Variants in ADGRD2 observed in about 807,000 individuals in gnomAD.
The protein encoded by ADGRD2 is adhesion G protein-coupled receptor D2, also known as G protein-coupled receptor PGR24.
Under a neutral mutation model 44.4 loss-of-function variants are expected in ADGRD2, and 71 were observed. The ratio of observed to expected loss-of-function variants is 1.60; its 90% CI spans 1.32 to 1.95. ADGRD2 has a LOEUF of 1.95. ADGRD2 is among the 30% of genes most tolerant of loss of function. ADGRD2 has a pLI of 0.00. For missense variants in ADGRD2, 1,039 were observed against 512.4 expected (o/e 2.03, Z -9.92); for synonymous variants, 481 against 224.8 (o/e 2.14, Z -10.19).
chr9:124,462,935 T>C (rs10986352), intron 10 of ADGRD2, among the ~76,000 whole-genome samples: 80,184 of 148,920 alleles, frequency 0.54, 21,624 homozygotes, highest in South Asian at 0.63. Flanking sequence ...CTCTCTCTCT[T>C]TCTCTCTCTC....
intron 10 of ADGRD2, among the ~76,000 whole-genome samples, chr9:124,463,818 T>G (rs1304274942): frequency 1.3e-5 from 2 of 152,090 alleles, no homozygotes; most frequent in African/African-American, 4.8e-5. Context: ...ACTTTACAAT[T>G]TTGCTTATAT....
At chr9:124,478,166 A>T (rs1832084200) in intron 21 of ADGRD2, 115 bp from the exon 25 acceptor site, 1 of 152,386 alleles carries the variant, frequency 6.6e-6, no homozygotes, top group African/African-American at 2.4e-5. Context: ...GCTGAGACTC[A>T]CAGCGAGGAC....
At position 124,454,913 on chromosome 9, in the gene ADGRD2, T is replaced by C. The variant is rs768733229; in HGVS notation, c.1181T>C (p.Leu394Pro). 1.3e-5 allele frequency: 9 copies of C among 715,914 alleles called. No individual in the cohort carries two copies. The highest frequency in any genetic ancestry group is 1.2e-4 in the South Asian group (8 of 67,600). The allele number at this position is 715,914 out of a possible 1,614,324, so 44.3% of individuals were successfully genotyped here. Reference sequence around the variant, plus strand: ...GCGGAGGCCTCCAGCTTCCTGGGCCTTCTGGAGCATGTCCTGGCGATGGAG... The same window carrying C: ...GCGGAGGCCTCCAGCTTCCTGGGCCCTCTGGAGCATGTCCTGGCGATGGAG... Residue 394 changes from leucine (L) to proline (P), a missense_variant, in exon 6 of 22, where the codon CTT becomes CCT. Coordinates refer to ENST00000334810, the Ensembl canonical transcript of ADGRD2. This position sits in a 1 kb window ranked among gnomAD's most constrained non-coding sequence, Gnocchi z 4.5.
intron 17 of ADGRD2, among the ~76,000 whole-genome samples, chr9:124,471,191 A>G (rs1831939970): frequency 6.6e-6 from 1 of 152,012 alleles, no homozygotes; most frequent in Non-Finnish European, 1.5e-5. Flanking sequence ...AACTGAAGTG[A>G]CAGCCAGGGG....
In ADGRD2 at chr9:124,458,042, A is replaced by T. The variant is rs1014997598; in HGVS notation, c.1641-71A>T. The T allele has an allele frequency of 2.4e-5, 17 of 708,814 alleles. No homozygotes were observed. In the African/African-American group the frequency reaches 2.5e-4, roughly 10 times the overall value. 43.9% of individuals were successfully genotyped at this position (708,814 alleles called of 1,614,324 possible). On this transcript the variant is annotated intron_variant, in intron 8 of 21. Transcript: ENST00000334810. ...CTATCTCTAGAGTGGGGAGAGCATC[A>T]CCCTCGGGGCCAACTGGTGGTGCTT...
chr9:124,475,157 C>T (rs1832020360), intron 17 of ADGRD2, among the ~76,000 whole-genome samples: 1 of 152,260 alleles, frequency 6.6e-6, no homozygotes, highest in African/African-American at 2.4e-5. Flanking sequence ...GGGACAGGCC[C>T]AGCGTGGGGC....
intron 6 of ADGRD2, among the ~76,000 whole-genome samples, chr9:124,455,458 C>T (rs1354474807): frequency 5.2e-4 from 79 of 152,080 alleles, no homozygotes; most frequent in Non-Finnish European, 2.6e-4. Flanking sequence ...GGCCTGGTAG[C>T]GGGCACCTGT....
chr9:124,464,031 G>A (rs1000846786), intron 10 of ADGRD2, among the ~76,000 whole-genome samples: 14 of 151,924 alleles, frequency 9.2e-5, no homozygotes, highest in African/African-American at 3.4e-4. Flanking sequence ...TCAGAGATAG[G>A]ATCTCACTTT....
chr9:124,455,233 C>A (rs1377948645), intron 6 of ADGRD2, 106 bp downstream of exon 9: 2 of 590,510 alleles, frequency 3.4e-6, no homozygotes, highest in South Asian at 4.2e-5. Context: ...CTATGGGCTC[C>A]ATCTCTGCGT....
chr9:124,453,141 C>T, exon 3 of ADGRD2: 1 of 701,766 alleles, frequency 1.4e-6, no homozygotes, highest in Non-Finnish European at 2.6e-6. Context: ...CGTGTACTCA[C>T]GTGCAGTGGG....
At chr9:124,468,012 C>T (rs917298761) in intron 12 of ADGRD2, 76 bp from the exon 16 acceptor site, 7 of 715,294 alleles carry the variant, frequency 9.8e-6, no homozygotes, top group East Asian at 2.7e-5. Flanking sequence ...CACAGGGGAT[C>T]GGGCAGGACA....
At chr9:124,463,529 G>A (rs938743018) in intron 10 of ADGRD2, among the ~76,000 whole-genome samples, 2 of 152,228 alleles carry the variant, frequency 1.3e-5, no homozygotes, top group African/African-American at 2.4e-5. Context: ...GTCCTCCTCT[G>A]TGAATGTTTG....
At chr9:124,468,449 A>G in intron 13 of ADGRD2, 70 bp from the exon 17 acceptor site, 1 of 714,454 alleles carries the variant, frequency 1.4e-6, no homozygotes, top group Non-Finnish European at 2.6e-6. Flanking sequence ...CGGGCTGGGC[A>G]TGGGCCGCGG....
At chr9:124,472,102 T>C (rs1046769073) in intron 17 of ADGRD2, among the ~76,000 whole-genome samples, 1 of 152,140 alleles carries the variant, frequency 6.6e-6, no homozygotes, top group Non-Finnish European at 1.5e-5. Context: ...TCCTCACCTG[T>C]GCCCCTCGGG....
rs1831567382 is a variant in ADGRD2, at chr9:124,454,143, T to C, written c.1022+46T>C. 1 of 641,276 alleles carries C rather than the reference T, an allele frequency of 1.6e-6. No individual in the cohort carries two copies. The highest frequency in any genetic ancestry group is 1.8e-5 in the African/African-American group (1 of 54,660). The allele number at this position is 641,276 out of a possible 1,614,324, so 39.7% of individuals were successfully genotyped here. A position where few individuals can be genotyped will look rare whatever the true frequency, so the allele number is the denominator to read the frequency against. On this transcript the variant is annotated intron_variant, in intron 4 of 21. Coordinates refer to ENST00000334810, the Ensembl canonical transcript of ADGRD2. The surrounding 1 kb of genome is among the most constrained non-coding windows in gnomAD (Gnocchi z 4.5). ...TGGGCTCTGCTGAAGGGAAAGCCGG[T>C]GTGGACCGGAGTAGACTGAGAGGGG...
intron 1 of ADGRD2, 91 bp from the exon 5 acceptor site, chr9:124,452,419 C>T (rs538739991): frequency 4.2e-6 from 3 of 710,378 alleles, no homozygotes; most frequent in Admixed American, 2.0e-5. Context: ...GCCCGAATGA[C>T]TCCAAGCCCA....
Position 124,454,267 on chromosome 9 carries a change from G to A in ADGRD2, c.1022+170G>A, listed in dbSNP as rs962286766. On this transcript the variant is annotated intron_variant, in intron 4 of 21. Transcript: ENST00000334810. This position sits in a 1 kb window ranked among gnomAD's most constrained non-coding sequence, Gnocchi z 4.5. ...GAGCAGTGGGTCCAGACGGACCTAA[G>A]GGTGAATCGAAATTGTGTGACCTTG... is the stretch of plus-strand genomic sequence containing the variant. Among the ~76,000 whole-genome samples the A allele has an allele frequency of 1.3e-5, 2 of 152,220 alleles. No homozygotes were observed. Among genetic ancestry groups the A allele is most frequent in the African/African-American group, 2.4e-5 (1 of 41,460 alleles).
At chr9:124,450,646 G>A (rs1025814519), upstream of ADGRD2, among the ~76,000 whole-genome samples, 2 of 152,244 alleles carry the variant, frequency 1.3e-5, no homozygotes. Flanking sequence ...GGGCCTCAAC[G>A]AGTGTTTGGA....
In ADGRD2 at chr9:124,457,620, A is replaced by AG. The variant is rs777777013; in HGVS notation, c.1640+19dup. 2 of 621,148 alleles carry AG rather than the reference A, an allele frequency of 3.2e-6. No individual in the cohort carries two copies. The highest frequency in any genetic ancestry group is 5.9e-6 in the Non-Finnish European group (2 of 340,122). The allele number at this position is 621,148 out of a possible 1,614,324, so 38.5% of individuals were successfully genotyped here. On this transcript the variant is annotated intron_variant, in intron 8 of 21. Transcript: ENST00000334810. ...TCCTCAGGAAAGGTGGGTGAGGATG[A>AG]GGGGGTGTCCAGAGCCCTGTTGGGT...
Sources: gnomAD v4.1 joint callset for allele counts (sites outside exome capture counted in the v4.1 genomes callset) on GRCh38, gnomAD v4.1.1 for gene constraint, Gnocchi (gnomAD v3.1) non-coding constraint, MANE v1.5 for transcripts, NCBI Gene and HGNC (gene_info 2026-07-23, HGNC 2026-07-21) for gene names.